Variants in UBE3D observed in about 807,000 individuals in gnomAD.
The protein encoded by UBE3D is ubiquitin protein ligase E3D, also known as E3 ubiquitin-protein ligase E3D.
UBE3D carries 48 observed loss-of-function variants against 49.6 expected under a neutral mutation model. The ratio of observed to expected loss-of-function variants is 0.97; its 90% confidence interval spans 0.77 to 1.23. The LOEUF (loss-of-function observed/expected upper bound fraction) is 1.23. Ranked by LOEUF, UBE3D falls within the 50% of genes most tolerant of loss-of-function variation. UBE3D has a pLI of 0.00. For synonymous variants in UBE3D, 189 were observed against 174.2 expected (o/e 1.08, Z -0.67); for missense variants, 452 against 468.4 (o/e 0.96, Z 0.32).
chr6:83,040,603 T>TA (rs1261687690), intron 4 of UBE3D, among the ~76,000 whole-genome samples: 1 of 152,192 alleles, frequency 6.6e-6, no homozygotes, highest in Non-Finnish European at 1.5e-5. Flanking sequence ...TTCAGTAACA[T>TA]AAACACTTAT....
chr6:83,000,714 C>T (rs1261791774), intron 8 of UBE3D, among the ~76,000 whole-genome samples: 2 of 144,574 alleles, frequency 1.4e-5, no homozygotes, highest in Admixed American at 1.4e-4. Flanking sequence ...ATGCCTGTTT[C>T]TCTCTCTCTC....
At position 83,019,013 on chromosome 6, in the gene UBE3D, T is replaced by C; in HGVS notation, c.970A>G (p.Lys324Glu). 6.2e-7 allele frequency: 1 copy of C among 1,613,716 alleles called. No homozygotes were observed. Among genetic ancestry groups the C allele is most frequent in the Non-Finnish European group, 8.5e-7 (1 of 1,179,866 alleles). ...ADSSSAWSAV[K>E]VLYQPCIKSR... is the part of the protein sequence containing the mutation. The stretch of plus-strand genomic sequence containing the variant: ...TTGATGCATGGCTGGTAGAGGACCT[T>C]GACAGCACTCCAGGCAGAACTAGAA... The change falls in exon 8 of 10, where the codon AAG becomes GAG. Residue 324 changes from lysine (K) to glutamate (E), a missense_variant. Physicochemically the swap from Lys to Glu is moderately conservative, Grantham distance 56 (BLOSUM62 1). Coordinates refer to ENST00000369747, the MANE Select transcript of UBE3D (RefSeq NM_198920.3).
chr6:83,010,874 A>G (rs1394853857), intron 8 of UBE3D, among the ~76,000 whole-genome samples: 1 of 151,244 alleles, frequency 6.6e-6, no homozygotes, highest in Admixed American at 6.6e-5. Context: ...TTCCCAGCCC[A>G]CTGACTCAAA....
chr6:82,954,110 G>A (rs1775994101), intron 9 of UBE3D, among the ~76,000 whole-genome samples: 2 of 152,136 alleles, frequency 1.3e-5, no homozygotes, highest in Admixed American at 6.5e-5. Context: ...GATGTTCCCC[G>A]GCCTTATTGG....
chr6:83,000,792 G>A (rs1779572962), intron 8 of UBE3D, among the ~76,000 whole-genome samples: 2 of 150,928 alleles, frequency 1.3e-5, no homozygotes, highest in Admixed American at 6.6e-5. Flanking sequence ...TTGCCTAGAA[G>A]CTCTTCACAG....
chr6:82,975,663 G>C (rs1294100346), intron 8 of UBE3D, among the ~76,000 whole-genome samples: 1 of 152,076 alleles, frequency 6.6e-6, no homozygotes, highest in Non-Finnish European at 1.5e-5. Context: ...ATGAGAAACT[G>C]ATCAAGTCAT....
intron 8 of UBE3D, chr6:83,018,535 T>C (rs1780852288): frequency 6.2e-6 from 1 of 162,072 alleles, no homozygotes; most frequent in Non-Finnish European, 1.3e-5. Flanking sequence ...TACGAGTTCT[T>C]AGATGAGTGC....
At chr6:82,962,315 A>G (rs1485098792) in intron 8 of UBE3D, among the ~76,000 whole-genome samples, 1 of 152,196 alleles carries the variant, frequency 6.6e-6, no homozygotes, top group African/African-American at 2.4e-5. Context: ...CTAAATGGCT[A>G]TGGTATGACC....
chr6:82,954,542 A>C lies in UBE3D; in HGVS notation c.1149+2770T>G, dbSNP rs555113762. 1.8e-4 allele frequency among the ~76,000 whole-genome samples: 28 copies of C among 152,268 alleles called. 1 individual carries two copies. Among genetic ancestry groups the C allele is most frequent in the African/African-American group, 6.3e-4 (26 of 41,520 alleles). ...TAAAATGACAGCTTTACAGAAAAAG[A>C]AGCACTGCTCACAGTGACTCAGCCA... On this transcript the variant is annotated intron_variant, in intron 9 of 9. Transcript: ENST00000369747.
At position 83,019,158 on chromosome 6, in the gene UBE3D, C is replaced by A; in HGVS notation, c.847-22G>T. ...ATAGCTAAAGATGTGAAGAGAAAGT[C>A]CAAGTATAAGAATATTGTCACCTTA... On this transcript the variant is annotated intron_variant, in intron 7 of 9. Transcript: ENST00000369747. The A allele has an allele frequency of 1.9e-6, 3 of 1,599,140 alleles. No individual in the cohort carries two copies. The South Asian group carries it at 3.4e-5, about 18-fold the overall frequency.
chr6:82,951,846 A>G (rs1482681660), intron 9 of UBE3D, among the ~76,000 whole-genome samples: 1 of 152,200 alleles, frequency 6.6e-6, no homozygotes, highest in African/African-American at 2.4e-5. Context: ...AAGAGATGGT[A>G]TCCTCCTGAC....
chr6:83,015,481 G>C (rs549962510), intron 8 of UBE3D, among the ~76,000 whole-genome samples: 2 of 152,246 alleles, frequency 1.3e-5, no homozygotes, highest in East Asian at 3.9e-4. Context: ...TCCCTACTTA[G>C]TGGGCCCAAA....
chr6:82,987,226 C>T (rs1778581842), intron 8 of UBE3D, among the ~76,000 whole-genome samples: 1 of 152,126 alleles, frequency 6.6e-6, no homozygotes, highest in African/African-American at 2.4e-5. Flanking sequence ...GTTGCCCAGG[C>T]TGGTCTTGAA....
chr6:83,036,749 G>A (rs535205767), intron 5 of UBE3D: 4 of 149,928 alleles, frequency 2.7e-5, no homozygotes, highest in African/African-American at 9.8e-5. Context: ...AAGAGATAGA[G>A]TCTCCCTATG....
At chr6:82,945,891 G>C (rs12204554) in intron 9 of UBE3D, among the ~76,000 whole-genome samples, 15,381 of 152,174 alleles carry the variant, frequency 0.1, 886 homozygotes, top group Non-Finnish European at 0.13. Flanking sequence ...GATTGAATCA[G>C]AGTCTCTTAA....
At chr6:83,034,083 GTTC>G (rs1284433180) in intron 5 of UBE3D, among the ~76,000 whole-genome samples, 1 of 152,058 alleles carries the variant, frequency 6.6e-6, no homozygotes. Context: ...CCCTAATATG[GTTC>G]TTATTAATTT....
intron 5 of UBE3D, chr6:83,037,206 C>G (rs1782324909): frequency 6.6e-6 from 1 of 152,298 alleles, no homozygotes; most frequent in South Asian, 2.1e-4. Flanking sequence ...TGGGGCTCTA[C>G]AGAGATTATT....
chr6:82,957,648 A>C lies in UBE3D; in HGVS notation c.1011-198T>G, dbSNP rs186526124. 7.2e-5 allele frequency among the ~76,000 whole-genome samples: 11 copies of C among 152,334 alleles called. No homozygotes were observed. The East Asian group carries it at 2.1e-3, about 29-fold the overall frequency. ...TTGATATAAAGCAGATGGATCAGGC[A>C]ATTTTTCAGGCCATCATTTCATACT... On this transcript the variant is annotated intron_variant, in intron 8 of 9. Transcript: ENST00000369747.
intron 8 of UBE3D, among the ~76,000 whole-genome samples, chr6:83,014,669 AT>A (rs1780569042): frequency 6.6e-6 from 1 of 152,162 alleles, no homozygotes; most frequent in Admixed American, 6.5e-5. Context: ...TCATTTCCCT[AT>A]CCCCAGTGAA....
Sources: gnomAD v4.1 joint callset for allele counts (sites outside exome capture counted in the v4.1 genomes callset) on GRCh38, gnomAD v4.1.1 for gene constraint, MANE v1.5 for transcripts, NCBI Gene and HGNC (gene_info 2026-07-23, HGNC 2026-07-21) for gene names.